Variants in NUP93 observed in about 807,000 individuals in gnomAD.
The protein encoded by NUP93 is nucleoporin 93.
In NUP93, 55 loss-of-function variants were observed where a neutral mutation model predicts 107.8. The observed-to-expected ratio is 0.51, with a 90% CI of 0.41 to 0.64. NUP93 has a LOEUF of 0.64. Ranked by LOEUF, NUP93 falls within the 30% of genes least tolerant of loss-of-function variation. NUP93 has a pLI of 0.00. For synonymous variants in NUP93, 390 were observed against 397.5 expected, an observed-to-expected ratio of 0.98 and a Z score of 0.22; for missense variants, 937 against 1,044.7, an observed-to-expected ratio of 0.90 and a Z score of 1.42.
intron 20 of NUP93, among the ~76,000 whole-genome samples, chr16:56,841,454 G>T (rs1964023304): frequency 6.6e-6 from 1 of 152,216 alleles, no homozygotes; most frequent in African/African-American, 2.4e-5. Context: ...CACTGCCCCT[G>T]ACTAAGGGAA....
chr16:56,733,101 A>T (rs1192029334), intron 1 of NUP93, among the ~76,000 whole-genome samples: 2 of 152,184 alleles, frequency 1.3e-5, no homozygotes, highest in Non-Finnish European at 2.9e-5. Flanking sequence ...CTTAGCATGT[A>T]CAGGAGTATG....
chr16:56,847,039 C>T lies in NUP93; in HGVS notation c.*2430C>T, dbSNP rs1326598737. On this transcript the variant is annotated 3_prime_UTR_variant, in exon 22 of 22. Coordinates refer to ENST00000308159, the MANE Select transcript of NUP93 (RefSeq NM_014669.5). ...AGCAGCCAGACCTTGAGCTGCTCTG[C>T]TAGGGGAGCTGTGAGTTGGGAGAAA... The T allele has an allele frequency of 6.6e-6, 1 of 152,246 alleles. No homozygotes were observed. The highest frequency in any genetic ancestry group is 1.5e-5 in the Non-Finnish European group (1 of 68,064). The allele number at this position is 152,246 out of a possible 1,614,324, so 9.4% of individuals were successfully genotyped here.
At chr16:56,768,663 G>C (rs377624694) in intron 3 of NUP93, among the ~76,000 whole-genome samples, 3 of 151,160 alleles carry the variant, frequency 2.0e-5, no homozygotes, top group Non-Finnish European at 4.4e-5. Context: ...TCAGGAGATC[G>C]AGACCATCCT....
chr16:56,766,862 T>A (rs1274048379), intron 3 of NUP93, among the ~76,000 whole-genome samples: 1 of 152,152 alleles, frequency 6.6e-6, no homozygotes, highest in Non-Finnish European at 1.5e-5. Flanking sequence ...CTTCTTTTCA[T>A]TTGTTTGTTT....
rs569000267 is a variant in NUP93, at chr16:56,840,357, G to A, written c.2220+753G>A. Among the ~76,000 whole-genome samples, 3 of 152,252 alleles carry A rather than the reference G, an allele frequency of 2.0e-5. No individual in the cohort carries two copies. In the East Asian group the frequency reaches 5.8e-4, roughly 29 times the overall value. On this transcript the variant is annotated intron_variant, in intron 20 of 21. Transcript: ENST00000308159. Reference sequence around the variant, plus strand: ...CTAAAGACGCAAGTGCAGTGACCGCGGAGTAAGCTATCACCCCATAAGCCC... The same window carrying A: ...CTAAAGACGCAAGTGCAGTGACCGCAGAGTAAGCTATCACCCCATAAGCCC...
chr16:56,748,409 G>A lies in NUP93; in HGVS notation c.162G>A (p.Glu54=). The change falls in exon 2 of 22, where the codon GAG becomes GAA. Residue 54 remains glutamate (E), a synonymous_variant. Transcript: ENST00000308159. ...RSRTLTRTSQ[E]TADVKASVLL... ...GTACCCTAACACGCACGTCCCAGGA[G>A]ACGGCAGATGTCAAGGCGTGAGTAC... is the stretch of plus-strand genomic sequence containing the variant. 3.7e-6 allele frequency: 6 copies of A among 1,612,856 alleles called. No homozygotes were observed. The highest frequency in any genetic ancestry group is 5.1e-6 in the Non-Finnish European group (6 of 1,179,238).
In NUP93 at chr16:56,847,035, T is replaced by A. The variant is rs1243453661; in HGVS notation, c.*2426T>A. On this transcript the variant is annotated 3_prime_UTR_variant, in exon 22 of 22. Transcript: ENST00000308159. Reference sequence around the variant, plus strand: ...GAGAAGCAGCCAGACCTTGAGCTGCTCTGCTAGGGGAGCTGTGAGTTGGGA... The same window carrying A: ...GAGAAGCAGCCAGACCTTGAGCTGCACTGCTAGGGGAGCTGTGAGTTGGGA... The A allele has an allele frequency of 6.6e-6, 1 of 152,286 alleles. No homozygotes were observed. The highest frequency in any genetic ancestry group is 1.5e-5 in the Non-Finnish European group (1 of 68,072). The allele number at this position is 152,286 out of a possible 1,614,324, so 9.4% of individuals were successfully genotyped here.
intron 4 of NUP93, among the ~76,000 whole-genome samples, chr16:56,801,092 C>T (rs1372081746): frequency 6.6e-6 from 1 of 152,178 alleles, no homozygotes; most frequent in Non-Finnish European, 1.5e-5. Context: ...TCCACACTTC[C>T]AGTTTATCCT....
intron 2 of NUP93, among the ~76,000 whole-genome samples, chr16:56,753,694 A>G (rs1961965594): frequency 6.6e-6 from 1 of 152,194 alleles, no homozygotes; most frequent in Non-Finnish European, 1.5e-5. Context: ...AATAATCCAG[A>G]ATCTTCAACA....
At chr16:56,742,063 T>A (rs1254913009) in intron 1 of NUP93, among the ~76,000 whole-genome samples, 1 of 152,214 alleles carries the variant, frequency 6.6e-6, no homozygotes, top group Non-Finnish European at 1.5e-5. Context: ...AAAGGGAAAA[T>A]TCACATGGGT....
intron 1 of NUP93, among the ~76,000 whole-genome samples, chr16:56,740,350 G>T (rs1177168477): frequency 6.7e-6 from 1 of 149,788 alleles, no homozygotes. Flanking sequence ...CCCAGACGGG[G>T]TCTCGGCCGG....
intron 3 of NUP93, among the ~76,000 whole-genome samples, chr16:56,778,622 C>T (rs1275616868): frequency 6.6e-6 from 1 of 152,022 alleles, no homozygotes; most frequent in Non-Finnish European, 1.5e-5. Context: ...ACATGTGGTG[C>T]CTGATGGGCT....
At chr16:56,837,220 C>T (rs1316592243) in intron 17 of NUP93, among the ~76,000 whole-genome samples, 5 of 152,156 alleles carry the variant, frequency 3.3e-5, no homozygotes, top group African/African-American at 1.2e-4. Context: ...ATTCTATGAC[C>T]TAAACAAGAT....
At chr16:56,786,556 A>G (rs1352795905) in intron 3 of NUP93, among the ~76,000 whole-genome samples, 1 of 152,256 alleles carries the variant, frequency 6.6e-6, no homozygotes, top group Non-Finnish European at 1.5e-5. Flanking sequence ...CAGCTGTGCC[A>G]GAAATTACTT....
rs1963981892 is a variant in NUP93, at chr16:56,839,589, A to T, written c.2205A>T (p.Arg735Ser). Residue 735 changes from arginine (R) to serine (S), a missense_variant, in exon 20 of 22, where the codon AGA (arginine) becomes AGT (serine). Coordinates refer to ENST00000308159, the MANE Select transcript of NUP93 (RefSeq NM_014669.5). ...ESVEERVAAFRNFSDEIRHNL... is the reference protein window; with the variant it reads ...ESVEERVAAFSNFSDEIRHNL... ...TGGAAGAGAGAGTGGCTGCCTTCAGAAATTTCAGTGATGAAGTAAGTTCCT... is the reference window on the plus strand; with the variant it reads ...TGGAAGAGAGAGTGGCTGCCTTCAGTAATTTCAGTGATGAAGTAAGTTCCT... 3.7e-6 allele frequency: 6 copies of T among 1,613,614 alleles called. No individual in the cohort carries two copies. Among genetic ancestry groups the T allele is most frequent in the Non-Finnish European group, 4.2e-6 (5 of 1,179,550 alleles).
In NUP93 at chr16:56,762,464, A is replaced by AT. The variant is rs200160274; in HGVS notation, c.297+3810dup. Among the ~76,000 whole-genome samples, 654 of 152,332 alleles carry AT rather than the reference A, an allele frequency of 4.3e-3. 6 individuals carry two copies. The highest frequency in any genetic ancestry group is 0.015 in the African/African-American group (605 of 41,564). ...ATTGGAATGTTTCTAACACAAATAA[A>AT]TGATAAACACTTGAGGCGAAGGGTA... On this transcript the variant is annotated intron_variant, in intron 3 of 21. Coordinates refer to ENST00000308159, the MANE Select transcript of NUP93 (RefSeq NM_014669.5).
rs1461835619 is a variant in NUP93 at position 56,830,626 on chromosome 16, G to A, written c.1026G>A (p.Gln342=). 1 of 1,610,014 alleles carries A rather than the reference G, an allele frequency of 6.2e-7. No homozygotes were observed. The highest frequency in any genetic ancestry group is 8.5e-7 in the Non-Finnish European group (1 of 1,176,636). The change falls in exon 10 of 22, where the codon CAG becomes CAA. Residue 342 remains glutamine (Q), a synonymous_variant. Coordinates refer to ENST00000308159, the MANE Select transcript of NUP93 (RefSeq NM_014669.5). The part of the protein sequence containing the change: ...LAASQVVNRA[Q]HQLGEFKTWF... ...CTTCACAGGTAGTTAATCGAGCCCA[G>A]CACCAGCTGGGAGAGTTTAAAACCT...
In NUP93 at chr16:56,808,475, AAAATATATAGTTATGTAACTATAT is replaced by A. The variant is rs1385539721; in HGVS notation, c.489+2869_489+2892del. Among the ~76,000 whole-genome samples the A allele has an allele frequency of 2.1e-3, 245 of 115,760 alleles. 6 individuals carry two copies. The highest frequency in any genetic ancestry group is 3.1e-3 in the Non-Finnish European group (192 of 62,016). The allele number at this position is 115,760 out of a possible 152,430, so 75.9% of individuals were successfully genotyped here. ...ATAAAATATATAGTTATGTAACTAT[AAAATATATAGTTATGTAACTATAT>A]AAATATATAGTTATGTAACTATATA... On this transcript the variant is annotated intron_variant, in intron 5 of 21. Coordinates refer to ENST00000308159, the MANE Select transcript of NUP93 (RefSeq NM_014669.5).
At chr16:56,827,618 A>G (rs1278704541) in intron 8 of NUP93, among the ~76,000 whole-genome samples, 2 of 152,214 alleles carry the variant, frequency 1.3e-5, no homozygotes, top group African/African-American at 4.8e-5. Flanking sequence ...AGCATTAGCT[A>G]TGTAGGGCTA....
Sources: gnomAD v4.1 joint callset for allele counts (sites outside exome capture counted in the v4.1 genomes callset) on GRCh38, gnomAD v4.1.1 for gene constraint, MANE v1.5 for transcripts, NCBI Gene and HGNC (gene_info 2026-07-23, HGNC 2026-07-21) for gene names.